The following DYNC2LI1 variants were observed in gnomAD, a reference collection of about 807,000 sequenced individuals.
DYNC2LI1 encodes the protein dynein cytoplasmic 2 light intermediate chain 1.
A neutral mutation model predicts 51.9 loss-of-function variants in DYNC2LI1; 45 were observed. That is an observed-to-expected ratio of 0.87 (90% confidence interval 0.68 to 1.11). DYNC2LI1 has a LOEUF of 1.11. Among genes scored for constraint, DYNC2LI1 ranks in the 50% most tolerant of loss-of-function variants. The pLI, the probability that DYNC2LI1 is intolerant of heterozygous loss-of-function variation, is 0.00. For synonymous variants in DYNC2LI1, 130 were observed against 137.8 expected (o/e 0.94, Z 0.40); for missense variants, 490 against 417.4 (o/e 1.17, Z -1.51).
chr2:43,777,974 T>A (rs533436152), intron 2 of DYNC2LI1, among the ~76,000 whole-genome samples: 74 of 152,338 alleles, frequency 4.9e-4, no homozygotes, highest in African/African-American at 1.7e-3. Context: ...CTGATAAAAA[T>A]TAGAAATATG....
the DYNC2LI1 span, chr2:43,822,712 C>T: frequency 4.1e-6 from 6 of 1,463,704 alleles, no homozygotes; most frequent in Non-Finnish European, 1.8e-6. Flanking sequence ...CAGAGAACTT[C>T]ACCCTGGAGC....
intron 9 of DYNC2LI1, 149 bp downstream of exon 9, chr2:43,801,066 T>C (rs1666064429): frequency 4.1e-6 from 1 of 246,748 alleles, no homozygotes; most frequent in East Asian, 7.6e-5. Context: ...TCTTTTTAAA[T>C]TATTATTATT....
At chr2:43,822,806 A>T in the DYNC2LI1 span, 1 of 1,614,140 alleles carries the variant, frequency 6.2e-7, no homozygotes, top group Non-Finnish European at 8.5e-7. Flanking sequence ...CCAGTAGCAC[A>T]CACTGCTGAA....
rs553127925 is a variant in DYNC2LI1 at position 43,774,108 on chromosome 2, T to C, written c.-31T>C. 3 of 1,613,628 alleles carry C rather than the reference T, an allele frequency of 1.9e-6. No homozygotes were observed. The highest frequency in any genetic ancestry group is 2.2e-5 in the South Asian group (2 of 90,936). ...TCTAGGCTGGTCACTACTCCGAGCC[T>C]GTGACGTTTGCGGCAGCCAGGCCGT... On this transcript the variant is annotated 5_prime_UTR_variant, in exon 1 of 13. Transcript: ENST00000260605.
intron 5 of DYNC2LI1, 81 bp from the exon 6 acceptor site, chr2:43,794,373 ATTC>A: frequency 1.5e-6 from 2 of 1,355,730 alleles, no homozygotes; most frequent in Non-Finnish European, 2.0e-6. Flanking sequence ...TATTTTAGTT[ATTC>A]TTAGATAAAT....
At chr2:43,826,421 C>G in the DYNC2LI1 span, 2 of 1,613,912 alleles carry the variant, frequency 1.2e-6, no homozygotes, top group Non-Finnish European at 1.7e-6. Flanking sequence ...TGGTGAGAAC[C>G]ACAATTCGGT....
the DYNC2LI1 span, among the ~76,000 whole-genome samples, chr2:43,825,480 AG>A: frequency 6.6e-6 from 1 of 152,330 alleles, no homozygotes; most frequent in African/African-American, 2.4e-5. Flanking sequence ...TTTTTTTGGA[AG>A]GAAATCAGTA....
At chr2:43,816,324 A>G in the DYNC2LI1 span, among the ~76,000 whole-genome samples, 1 of 152,206 alleles carries the variant, frequency 6.6e-6, no homozygotes. Flanking sequence ...GCAAAGGAAG[A>G]CCGTGACAGG....
chr2:43,828,033 G>T, the DYNC2LI1 span: 10 of 1,614,104 alleles, frequency 6.2e-6, no homozygotes, highest in South Asian at 8.8e-5. Context: ...CCGCTCACCC[G>T]TGGAAATGCC....
At chr2:43,799,313 A>G (rs1295011203) in intron 8 of DYNC2LI1, among the ~76,000 whole-genome samples, 1 of 152,144 alleles carries the variant, frequency 6.6e-6, no homozygotes, top group Non-Finnish European at 1.5e-5. Flanking sequence ...TAAAAAACCA[A>G]TATGCTCCTC....
chr2:43,820,992 A>G, the DYNC2LI1 span, among the ~76,000 whole-genome samples: 6 of 151,940 alleles, frequency 3.9e-5, no homozygotes, highest in Admixed American at 1.3e-4. Flanking sequence ...CCCTATATCC[A>G]TGCACCTTTC....
chr2:43,826,916 C>A, the DYNC2LI1 span, among the ~76,000 whole-genome samples: 1 of 152,232 alleles, frequency 6.6e-6, no homozygotes, highest in Admixed American at 6.5e-5. Flanking sequence ...CACTTTCCAA[C>A]ACCAGCAGGG....
At chr2:43,787,763 G>T (rs1413791310) in intron 4 of DYNC2LI1, among the ~76,000 whole-genome samples, 2 of 152,056 alleles carry the variant, frequency 1.3e-5, no homozygotes, top group African/African-American at 4.8e-5. Flanking sequence ...GTATATGCTG[G>T]CAGGGGGTGG....
the DYNC2LI1 span, chr2:43,822,745 G>C: frequency 3.7e-6 from 6 of 1,613,198 alleles, no homozygotes; most frequent in Non-Finnish European, 5.1e-6. Context: ...AGTCCCACTA[G>C]CTCCATGACT....
At chr2:43,825,371 G>T in the DYNC2LI1 span, among the ~76,000 whole-genome samples, 1 of 152,052 alleles carries the variant, frequency 6.6e-6, no homozygotes, top group Admixed American at 6.6e-5. Context: ...GCAGGGGTGG[G>T]TCTTAGTTTG....
chr2:43,796,017 G>C (rs983528841), intron 7 of DYNC2LI1, 59 bp downstream of exon 7: 2 of 1,158,890 alleles, frequency 1.7e-6, no homozygotes, highest in Non-Finnish European at 2.5e-6. Flanking sequence ...CTTTTTATGA[G>C]GGAGGTACAA....
chr2:43,825,598 T>TTTG, the DYNC2LI1 span, among the ~76,000 whole-genome samples: 5 of 150,848 alleles, frequency 3.3e-5, no homozygotes, highest in East Asian at 1.9e-4. Context: ...TTGTTGTTGT[T>TTTG]TTGTTGTTAT....
At chr2:43,813,228 C>T (rs762408008), downstream of DYNC2LI1, 6 of 1,613,584 alleles carry the variant, frequency 3.7e-6, no homozygotes, top group Non-Finnish European at 5.1e-6. Context: ...AGATGTTGCA[C>T]CTGGGCAGGT....
At chr2:43,817,867 G>A in the DYNC2LI1 span, among the ~76,000 whole-genome samples, 5 of 152,008 alleles carry the variant, frequency 3.3e-5, no homozygotes, top group Admixed American at 6.6e-5. Context: ...CCGAGATCGC[G>A]CCACTGCATT....
Sources: allele counts gnomAD v4.1 joint callset (sites outside exome capture counted in the v4.1 genomes callset), GRCh38; gene constraint gnomAD v4.1.1; transcripts MANE v1.5; gene names NCBI Gene and HGNC (gene_info 2026-07-23, HGNC 2026-07-21).